TTC28: variants seen among roughly 807,000 people sequenced by gnomAD.
The protein encoded by TTC28 is tetratricopeptide repeat protein 28.
TTC28 carries 61 observed loss-of-function variants against 198.0 expected under a neutral mutation model. The ratio of observed to expected loss-of-function variants is 0.31; its 90% CI spans 0.25 to 0.38. TTC28 has a LOEUF of 0.38. Ranked by LOEUF, TTC28 falls within the 10% of genes least tolerant of loss-of-function variation. The pLI, the probability that TTC28 is intolerant of heterozygous loss-of-function variation, is 1.00. For missense variants in TTC28, 2,678 were observed against 3,164.0 expected (o/e 0.85, Z 3.69); for synonymous variants, 1,171 against 1,297.8 (o/e 0.90, Z 2.10).
intron 5 of TTC28, among the ~76,000 whole-genome samples, chr22:28,218,843 T>C (rs1192672956): frequency 6.6e-6 from 1 of 151,988 alleles, no homozygotes. Flanking sequence ...TTTATGGCAG[T>C]CAAAAATACA....
In TTC28 at chr22:28,629,657, G is replaced by A; in HGVS notation, c.276C>T (p.Cys92=). 2 of 1,551,634 alleles carry A rather than the reference G, an allele frequency of 1.3e-6. No homozygotes were observed. Among genetic ancestry groups the A allele is most frequent in the Non-Finnish European group, 1.7e-6 (2 of 1,146,956 alleles). ...CTGCAGATCTATTGCTGTATAAGAT[G>A]CAGTTCTGAGGGTCAACAGCCAGGG... ...NEALAVDPQN[C]ILYSNRSAAY... Residue 92 remains cysteine, a synonymous_variant, in exon 2 of 23, where the codon TGC becomes TGT. Coordinates refer to ENST00000397906, the MANE Select transcript of TTC28 (RefSeq NM_001145418.2).
chr22:28,494,421 C>G (rs1019862757), intron 2 of TTC28, among the ~76,000 whole-genome samples: 2 of 152,188 alleles, frequency 1.3e-5, no homozygotes, highest in African/African-American at 4.8e-5. Context: ...CAACTAATCT[C>G]TACCTAGGAA....
chr22:28,270,319 C>T lies in TTC28; in HGVS notation c.933+25879G>A, dbSNP rs541341135. Among the ~76,000 whole-genome samples the T allele has an allele frequency of 3.9e-5, 6 of 152,248 alleles. No homozygotes were observed. In the South Asian group the frequency reaches 1.2e-3, roughly 32 times the overall value. On this transcript the variant is annotated intron_variant, in intron 5 of 22. Coordinates refer to ENST00000397906, the MANE Select transcript of TTC28 (RefSeq NM_001145418.2). ...AGCAAATATTGCAAATGTGACTATT[C>T]AGGGTTACATTCATGCTAAAAACAA...
chr22:28,669,731 A>C (rs2051848533), intron 1 of TTC28, among the ~76,000 whole-genome samples: 1 of 152,208 alleles, frequency 6.6e-6, no homozygotes, highest in African/African-American at 2.4e-5. Flanking sequence ...TTACTTTTTT[A>C]ATTCACAAAA....
intron 2 of TTC28, among the ~76,000 whole-genome samples, chr22:28,590,694 C>T (rs1164409648): frequency 6.6e-6 from 1 of 151,840 alleles, no homozygotes; most frequent in Non-Finnish European, 1.5e-5. Flanking sequence ...ACTTATATCA[C>T]AAATTAGTAT....
At chr22:28,085,718 A>G (rs910911520) in intron 12 of TTC28, among the ~76,000 whole-genome samples, 1 of 152,102 alleles carries the variant, frequency 6.6e-6, no homozygotes, top group Admixed American at 6.6e-5. Context: ...CAGACTGGCA[A>G]ATTGGATAAA....
chr22:28,182,203 A>C (rs1923765008), intron 5 of TTC28, among the ~76,000 whole-genome samples: 1 of 152,216 alleles, frequency 6.6e-6, no homozygotes, highest in Non-Finnish European at 1.5e-5. Flanking sequence ...TCAATGACAC[A>C]ATTCACTACA....
intron 2 of TTC28, among the ~76,000 whole-genome samples, chr22:28,382,703 G>C (rs1275868330): frequency 6.6e-6 from 1 of 152,138 alleles, no homozygotes; most frequent in Non-Finnish European, 1.5e-5. Flanking sequence ...CATCCAAGTG[G>C]CTACAGCAAG....
At position 28,087,144 on chromosome 22, in the gene TTC28, C is replaced by T. The variant is rs1449469061; in HGVS notation, c.3932+6936G>A. Among the ~76,000 whole-genome samples the T allele has an allele frequency of 3.9e-5, 6 of 152,204 alleles. No homozygotes were observed. The East Asian group carries it at 1.2e-3, about 29-fold the overall frequency. The stretch of plus-strand genomic sequence containing the variant: ...CCAATCAATAGAAAAAGAGGGAATC[C>T]TCCCTAACTCATTTTATGAGGCCAG... On this transcript the variant is annotated intron_variant, in intron 12 of 22. Transcript: ENST00000397906.
At chr22:28,391,693 G>C (rs865791312) in intron 2 of TTC28, among the ~76,000 whole-genome samples, 23 of 152,232 alleles carry the variant, frequency 1.5e-4, no homozygotes, top group South Asian at 2.1e-4. Context: ...TCAGCTCCAG[G>C]AGCTCCTTTA....
chr22:28,563,665 A>G (rs1185458031), intron 2 of TTC28, among the ~76,000 whole-genome samples: 2 of 152,204 alleles, frequency 1.3e-5, no homozygotes, highest in African/African-American at 2.4e-5. Context: ...AGTGTTGGTT[A>G]TGGAGAAATT....
intron 2 of TTC28, among the ~76,000 whole-genome samples, chr22:28,496,554 G>A (rs1292388822): frequency 6.6e-6 from 1 of 151,886 alleles, no homozygotes; most frequent in East Asian, 1.9e-4. Context: ...TAGTTAATAT[G>A]GTAGCTAAAG....
rs34208241 is a variant in TTC28, at chr22:28,601,777, GACACAC to G, written c.381+27769_381+27774del. 6.9e-4 allele frequency among the ~76,000 whole-genome samples: 98 copies of G among 141,556 alleles called. 1 individual carries two copies. The highest frequency in any genetic ancestry group is 3.6e-3 in the Middle Eastern group (1 of 280). 92.9% of individuals were successfully genotyped at this position (141,556 alleles called of 152,430 possible). Reference sequence around the variant, plus strand: ...AAGATTCACAGCAGAGTAAACCCTAGACACACACACACACACACACACACACACACA... The same window carrying G: ...AAGATTCACAGCAGAGTAAACCCTAGACACACACACACACACACACACACA... On this transcript the variant is annotated intron_variant, in intron 2 of 22. Transcript: ENST00000397906.
chr22:28,310,901 T>C lies in TTC28; in HGVS notation c.382-4258A>G, dbSNP rs142286362. On this transcript the variant is annotated intron_variant, in intron 2 of 22. Transcript: ENST00000397906. ...TTCAAGTGATTCTCCTGCCTCAGCC[T>C]CCCAAGTAGCTGGAAGTTCAGGTGC... is the stretch of plus-strand genomic sequence containing the variant. 1.4e-3 allele frequency among the ~76,000 whole-genome samples: 215 copies of C among 152,008 alleles called. 1 individual carries two copies. Among genetic ancestry groups the C allele is most frequent in the African/African-American group, 4.9e-3 (201 of 41,442 alleles).
At chr22:28,321,526 A>G in intron 2 of TTC28, among the ~76,000 whole-genome samples, 1 of 152,146 alleles carries the variant, frequency 6.6e-6, no homozygotes. Flanking sequence ...AGAGAATATG[A>G]CAGTAGACTT....
chr22:27,988,094 G>C (rs901587404), intron 21 of TTC28, among the ~76,000 whole-genome samples: 4 of 152,052 alleles, frequency 2.6e-5, no homozygotes, highest in African/African-American at 9.7e-5. Context: ...AATGCAACCT[G>C]TAAAGGATGC....
chr22:28,092,808 G>A (rs1168742053), intron 12 of TTC28, among the ~76,000 whole-genome samples: 1 of 152,120 alleles, frequency 6.6e-6, no homozygotes, highest in Non-Finnish European at 1.5e-5. Context: ...CTGTTGCCTG[G>A]GTTGTTAAGG....
intron 2 of TTC28, among the ~76,000 whole-genome samples, chr22:28,449,796 T>G (rs540301746): frequency 2.8e-4 from 42 of 152,262 alleles, no homozygotes; most frequent in African/African-American, 9.6e-4. Context: ...CAATAAGGAA[T>G]GAAGAGGCCT....
At chr22:28,438,031 T>A (rs149153042) in intron 2 of TTC28, among the ~76,000 whole-genome samples, 1 of 152,184 alleles carries the variant, frequency 6.6e-6, no homozygotes, top group Non-Finnish European at 1.5e-5. Flanking sequence ...TTGGTTGCAC[T>A]GATCTGGGAA....
Sources: gnomAD v4.1 joint callset for allele counts (sites outside exome capture counted in the v4.1 genomes callset) on GRCh38, gnomAD v4.1.1 for gene constraint, MANE v1.5 for transcripts, NCBI Gene and HGNC (gene_info 2026-07-23, HGNC 2026-07-21) for gene names.